The following TRIM68 variants were observed in gnomAD, a reference collection of about 807,000 sequenced individuals.
The protein encoded by TRIM68 is tripartite motif containing 68.
Under a neutral mutation model 41.9 loss-of-function variants are expected in TRIM68, and 36 were observed. The ratio of observed to expected loss-of-function variants is 0.86; its 90% CI spans 0.66 to 1.14. The LOEUF is 1.14. Ranked by LOEUF, TRIM68 falls within the 50% of genes most tolerant of loss-of-function variation. TRIM68 has a pLI of 0.00. For missense variants in TRIM68, 632 were observed against 605.1 expected, an observed-to-expected ratio of 1.04 and a Z score of -0.47; for synonymous variants, 225 against 224.6, an observed-to-expected ratio of 1.00 and a Z score of -0.02.
In TRIM68 at chr11:4,600,735, T is replaced by C. The variant is rs1407301130; in HGVS notation, c.999A>G (p.Lys333=). 1.9e-6 allele frequency: 3 copies of C among 1,614,142 alleles called. No homozygotes were observed. The highest frequency in any genetic ancestry group is 2.5e-6 in the Non-Finnish European group (3 of 1,180,030). The change falls in exon 7 of 7, where the codon AAA becomes AAG. Residue 333 remains lysine, a synonymous_variant. Transcript: ENST00000300747. ...AAAATCTCTCAGGATTGTCTGGCAGTTTCTGGTTGGTGTCTCCATAGTGCA... is the reference window on the plus strand; with the variant it reads ...AAAATCTCTCAGGATTGTCTGGCAGCTTCTGGTTGGTGTCTCCATAGTGCA... ...KRVHYGDTNQ[K]LPDNPERFYR...
In TRIM68 at chr11:4,605,241, A is replaced by G. The variant is rs1846551386; in HGVS notation, c.264T>C (p.His88=). Residue 88 remains histidine, a synonymous_variant, in exon 2 of 7, where the codon CAT becomes CAC. Transcript: ENST00000300747. ...GGTCACCCTTCAGCCCCATTCCTGG[A>G]TGTAGCCTTAGCAGACGGACTTTTT... is the stretch of plus-strand genomic sequence containing the variant. ...VVEKVRLLRL[H]PGMGLKGDLC... 6.2e-7 allele frequency: 1 copy of G among 1,614,106 alleles called. No homozygotes were observed. Among genetic ancestry groups the G allele is most frequent in the African/African-American group, 1.3e-5 (1 of 74,936 alleles).
At chr11:4,607,547 T>G (rs1245151972) in intron 1 of TRIM68, among the ~76,000 whole-genome samples, 1 of 151,394 alleles carries the variant, frequency 6.6e-6, no homozygotes, top group East Asian at 1.9e-4. Context: ...AGTAAGAAAG[T>G]AAGGCAAAGA....
intron 5 of TRIM68, 170 bp downstream of exon 5, chr11:4,601,494 A>C: frequency 1.5e-6 from 1 of 659,696 alleles, no homozygotes; most frequent in East Asian, 2.6e-5. Flanking sequence ...AAGAAAAAGG[A>C]AAGATCAACA....
Position 4,600,362 on chromosome 11 carries a change from G to A in TRIM68, c.1372C>T (p.Leu458Phe), listed in dbSNP as rs749048830. 8 of 1,613,802 alleles carry A rather than the reference G, an allele frequency of 5.0e-6. No individual in the cohort carries two copies. In the South Asian group the frequency reaches 5.5e-5, roughly 11 times the overall value. ...TAGCAAGGACTAAAATAGGGCAGGA[G>A]GCGCCCAGGGAAGGGATAGCGGGGG... The part of the protein sequence containing the change: ...TFPRYPFPGR[L>F]LPYFSPCYSI... The change falls in exon 7 of 7, where the codon CTC (leucine) becomes TTC (phenylalanine). Residue 458 changes from leucine to phenylalanine, a missense_variant. Leu to Phe is a conservative substitution (Grantham distance 22). Transcript: ENST00000300747.
intron 1 of TRIM68, among the ~76,000 whole-genome samples, 196 bp from the exon 2 acceptor site, chr11:4,605,757 G>C (rs2133201613): frequency 1.3e-5 from 2 of 152,264 alleles, no homozygotes; most frequent in East Asian, 3.9e-4. Context: ...CCATGAAGGG[G>C]ATAATGGGGA....
chr11:4,604,114 C>A (rs977483352), intron 2 of TRIM68, among the ~76,000 whole-genome samples: 1 of 152,252 alleles, frequency 6.6e-6, no homozygotes, highest in Admixed American at 6.5e-5. Flanking sequence ...AGCCCTTTAC[C>A]CCTATGTTAT....
chr11:4,599,227 T>A lies in TRIM68; in HGVS notation c.*1049A>T, dbSNP rs1846440634. 6.6e-6 allele frequency: 1 copy of A among 152,136 alleles called. No individual in the cohort carries two copies. Among genetic ancestry groups the A allele is most frequent in the Non-Finnish European group, 1.5e-5 (1 of 68,018 alleles). 9.4% of individuals were successfully genotyped at this position (152,136 alleles called of 1,614,324 possible). On this transcript the variant is annotated 3_prime_UTR_variant, in exon 7 of 7. Transcript: ENST00000300747. The stretch of plus-strand genomic sequence containing the variant: ...AACTTGCTCCAGGGGCCGGGCGCAG[T>A]GGCTCATGCCTCTAATCCCAGCACT...
Position 4,602,344 on chromosome 11 carries a change from T to C in TRIM68, c.591A>G (p.Lys197=). 1 of 1,614,194 alleles carries C rather than the reference T, an allele frequency of 6.2e-7. No individual in the cohort carries two copies. The highest frequency in any genetic ancestry group is 8.5e-7 in the Non-Finnish European group (1 of 1,180,034). Residue 197 remains lysine (K), a synonymous_variant, in exon 4 of 7, where the codon AAA becomes AAG. Transcript: ENST00000300747. ...CCAGCTGCCGATGTGGTGGCTGCTT[T>C]TTCTCTAGTAATCGCTGGTATTTTT... is the stretch of plus-strand genomic sequence containing the variant. The part of the protein sequence containing the change: ...EFEKYQRLLE[K]KQPPHRQLGA...
At chr11:4,607,264 G>T (rs185759234) in intron 1 of TRIM68, among the ~76,000 whole-genome samples, 1 of 152,246 alleles carries the variant, frequency 6.6e-6, no homozygotes, top group African/African-American at 2.4e-5. Context: ...ATGTGGATAG[G>T]GTCATTGTCT....
intron 1 of TRIM68, 40 bp from the exon 2 acceptor site, chr11:4,605,601 A>T (rs1035712178): frequency 3.3e-5 from 38 of 1,155,520 alleles, no homozygotes; most frequent in Non-Finnish European, 4.3e-5. Flanking sequence ...AGAAAAAGGT[A>T]ACAGAGGAAC....
chr11:4,604,700 G>A (rs1322067488), intron 2 of TRIM68, among the ~76,000 whole-genome samples: 1 of 152,226 alleles, frequency 6.6e-6, no homozygotes, highest in South Asian at 2.1e-4. Flanking sequence ...TTGCAGCACT[G>A]CTAGGAGGAG....
intron 2 of TRIM68, among the ~76,000 whole-genome samples, chr11:4,603,893 A>C (rs1246294469): frequency 6.6e-6 from 1 of 152,220 alleles, no homozygotes; most frequent in Non-Finnish European, 1.5e-5. Context: ...GTGCAGAAAC[A>C]CCATTTAATT....
intron 1 of TRIM68, among the ~76,000 whole-genome samples, chr11:4,607,778 T>C (rs1377098764): frequency 6.6e-6 from 1 of 152,262 alleles, no homozygotes; most frequent in African/African-American, 2.4e-5. Flanking sequence ...TTCGGTTGCT[T>C]TGACTGTGCC....
chr11:4,603,923 G>T (rs1235372546), intron 2 of TRIM68, among the ~76,000 whole-genome samples: 1 of 152,116 alleles, frequency 6.6e-6, no homozygotes, highest in East Asian at 1.9e-4. Flanking sequence ...TAACAAAATA[G>T]CAACTATTTT....
chr11:4,605,082 GTACTCC>G lies in TRIM68; in HGVS notation c.417_422del (p.Trp139_Tyr141delinsCys), dbSNP rs761349225. On this transcript the variant is annotated inframe_deletion, in exon 2 of 7. Coordinates refer to ENST00000300747, the MANE Select transcript of TRIM68 (RefSeq NM_018073.8). ...GTGGCCAGCTTCCATCTCTCACCTT[GTACTCC>G]CAGGCAACATCCTCCATTGGCACAA... 4 of 1,613,362 alleles carry G rather than the reference GTACTCC, an allele frequency of 2.5e-6. No individual in the cohort carries two copies. The highest frequency in any genetic ancestry group is 3.4e-6 in the Non-Finnish European group (4 of 1,179,432).
chr11:4,603,439 A>G, intron 2 of TRIM68, 99 bp from the exon 3 acceptor site: 1 of 1,065,786 alleles, frequency 9.4e-7, no homozygotes, highest in South Asian at 1.3e-5. Flanking sequence ...GCAACCGGCC[A>G]CAGTGAAGGC....
intron 1 of TRIM68, among the ~76,000 whole-genome samples, chr11:4,606,046 A>G (rs1846563917): frequency 6.6e-6 from 1 of 152,222 alleles, no homozygotes; most frequent in Non-Finnish European, 1.5e-5. Flanking sequence ...ATTGCCTACA[A>G]GCTCAATTTG....
Position 4,600,173 on chromosome 11 carries a change from G to A in TRIM68, c.*103C>T. 8.5e-7 allele frequency: 1 copy of A among 1,170,892 alleles called. No homozygotes were observed. Among genetic ancestry groups the A allele is most frequent in the Non-Finnish European group, 1.2e-6 (1 of 838,936 alleles). The allele number at this position is 1,170,892 out of a possible 1,614,324, so 72.5% of individuals were successfully genotyped here. On this transcript the variant is annotated 3_prime_UTR_variant, in exon 7 of 7. Coordinates refer to ENST00000300747, the MANE Select transcript of TRIM68 (RefSeq NM_018073.8). Reference sequence around the variant, plus strand: ...CAGACAGAGGAATCCTTGGATACTGGGCTCAGCTCAGTTTCAGGGGATACC... The same window carrying A: ...CAGACAGAGGAATCCTTGGATACTGAGCTCAGCTCAGTTTCAGGGGATACC...
intron 2 of TRIM68, among the ~76,000 whole-genome samples, chr11:4,604,467 T>A (rs6578500): frequency 0.99 from 150,168 of 152,360 alleles, 74,044 homozygotes; most frequent in Middle Eastern, 1. Context: ...GAGGAGAAAG[T>A]GCAAGAAGAC....
Sources: gnomAD v4.1 joint callset for allele counts (sites outside exome capture counted in the v4.1 genomes callset) on GRCh38, gnomAD v4.1.1 for gene constraint, MANE v1.5 for transcripts, NCBI Gene and HGNC (gene_info 2026-07-23, HGNC 2026-07-21) for gene names.